LTBP1: variants seen among roughly 807,000 people sequenced by gnomAD.
The protein encoded by LTBP1 is latent transforming growth factor beta binding protein 1.
A neutral mutation model predicts 207.6 loss-of-function variants in LTBP1; 129 were observed. That is an observed-to-expected ratio of 0.62 (90% CI 0.54 to 0.72). LTBP1 has a LOEUF of 0.72. Ranked by LOEUF, LTBP1 falls within the 30% of genes least tolerant of loss-of-function variation. The pLI is 0.00. For synonymous variants in LTBP1, 963 were observed against 833.7 expected (o/e 1.16, Z -2.67); for missense variants, 2,281 against 2,217.2 (o/e 1.03, Z -0.58).
chr2:33,268,914 A>G lies in LTBP1; in HGVS notation c.2618-4742A>G, dbSNP rs1461905044. Among the ~76,000 whole-genome samples, 4 of 152,288 alleles carry G rather than the reference A, an allele frequency of 2.6e-5. No homozygotes were observed. The East Asian group carries it at 7.7e-4, about 29-fold the overall frequency. On this transcript the variant is annotated intron_variant, in intron 15 of 33. Coordinates refer to ENST00000404816, the MANE Select transcript of LTBP1 (RefSeq NM_206943.4). ...CCTTGTGGAAACCTCTGTAATTATCATGGCCCAGACATTTAAAAAAACTAT... is the reference window on the plus strand; with the variant it reads ...CCTTGTGGAAACCTCTGTAATTATCGTGGCCCAGACATTTAAAAAAACTAT...
chr2:33,234,934 A>C (rs2091969152), intron 9 of LTBP1, among the ~76,000 whole-genome samples: 1 of 152,192 alleles, frequency 6.6e-6, no homozygotes, highest in African/African-American at 2.4e-5. Context: ...TAAGACCTAA[A>C]ACCATAAAAA....
chr2:33,027,278 T>C (rs572419412), intron 3 of LTBP1, among the ~76,000 whole-genome samples: 5 of 152,226 alleles, frequency 3.3e-5, no homozygotes, highest in African/African-American at 4.8e-5. Context: ...TTTTCAAATA[T>C]GTACACATTG....
At chr2:33,101,994 A>G (rs1301958767) in intron 3 of LTBP1, among the ~76,000 whole-genome samples, 4 of 152,152 alleles carry the variant, frequency 2.6e-5, no homozygotes, top group Non-Finnish European at 5.9e-5. Context: ...TAAACATAGA[A>G]GAGAAGAGGA....
At chr2:33,245,387 G>C (rs534273322) in intron 10 of LTBP1, among the ~76,000 whole-genome samples, 1 of 152,172 alleles carries the variant, frequency 6.6e-6, no homozygotes, top group African/African-American at 2.4e-5. Context: ...AAAAATGACA[G>C]TCTCATTTAT....
At chr2:33,006,366 C>G (rs184250856) in intron 2 of LTBP1, among the ~76,000 whole-genome samples, 1 of 147,506 alleles carries the variant, frequency 6.8e-6, no homozygotes, top group East Asian at 2.0e-4. Flanking sequence ...TTCAGAATGT[C>G]AGAAATAAGA....
chr2:33,262,776 C>G lies in LTBP1; in HGVS notation c.2473C>G (p.Leu825Val), dbSNP rs773221015. The G allele has an allele frequency of 3.1e-6, 5 of 1,607,248 alleles. No individual in the cohort carries two copies. The East Asian group carries it at 1.1e-4, about 36-fold the overall frequency. The change falls in exon 14 of 34, where the codon CTG becomes GTG. Residue 825 changes from leucine to valine, a missense_variant. Leu to Val is a conservative substitution (Grantham distance 32). Around this residue, in one of 3 missense-constraint regions of LTBP1, gnomAD observed 1,671 missense variants for 1,634.8 expected, o/e 1.02. Transcript: ENST00000404816. ...CAAACTTGAGCCTGGTCAACCCCAG[C>G]TGTCTCCAGGCATTTCCACTATTCA... ...KTKLEPGQPQ[L>V]SPGISTIHLH... is the part of the protein sequence containing the mutation.
chr2:32,968,791 T>A (rs1452028305), intron 2 of LTBP1, among the ~76,000 whole-genome samples: 1 of 151,218 alleles, frequency 6.6e-6, no homozygotes. Flanking sequence ...TGGTGCAGTC[T>A]CATCTCACTG....
intron 19 of LTBP1, among the ~76,000 whole-genome samples, chr2:33,287,689 A>G (rs2093692660): frequency 6.6e-6 from 1 of 152,238 alleles, no homozygotes; most frequent in African/African-American, 2.4e-5. Flanking sequence ...TAGGATGTGC[A>G]TAGCATTCAT....
chr2:32,951,131 T>C (rs1677037074), intron 2 of LTBP1, among the ~76,000 whole-genome samples: 1 of 152,208 alleles, frequency 6.6e-6, no homozygotes. Flanking sequence ...CTACAACCAA[T>C]GCTTCCAGCA....
chr2:33,182,687 G>GAGAT lies in LTBP1; in HGVS notation c.1202-4168_1202-4167insGATA, dbSNP rs1469125010. ...AAAAAAAAAAAGAAGAAAAGATGGT[G>GAGAT]ATATATATATATACACACACACACA... is the stretch of plus-strand genomic sequence containing the variant. On this transcript the variant is annotated intron_variant, in intron 5 of 33. Coordinates refer to ENST00000404816, the MANE Select transcript of LTBP1 (RefSeq NM_206943.4). Among the ~76,000 whole-genome samples, 95 of 67,040 alleles carry GAGAT rather than the reference G, an allele frequency of 1.4e-3. 4 individuals are homozygous for GAGAT. The highest frequency in any genetic ancestry group is 4.7e-3 in the African/African-American group (79 of 16,844). The allele number at this position is 67,040 out of a possible 152,430, so 44.0% of individuals were successfully genotyped here.
intron 19 of LTBP1, among the ~76,000 whole-genome samples, chr2:33,289,127 A>G (rs190895523): frequency 3.0e-4 from 46 of 152,298 alleles, no homozygotes; most frequent in African/African-American, 1.1e-3. Flanking sequence ...TCAACAATGT[A>G]CTTGTTAGAG....
At chr2:33,289,729 C>G (rs1301648220) in intron 19 of LTBP1, among the ~76,000 whole-genome samples, 1 of 152,080 alleles carries the variant, frequency 6.6e-6, no homozygotes, top group African/African-American at 2.4e-5. Context: ...AACGCAAAGG[C>G]CTGTTGAACT....
At chr2:33,160,601 AG>A (rs2084380360) in intron 5 of LTBP1, among the ~76,000 whole-genome samples, 1 of 152,234 alleles carries the variant, frequency 6.6e-6, no homozygotes, top group South Asian at 2.1e-4. Context: ...CAGCACAGGT[AG>A]GTTGACCTAC....
At chr2:33,215,711 C>T (rs375532967) in intron 7 of LTBP1, among the ~76,000 whole-genome samples, 51 of 125,984 alleles carry the variant, frequency 4.0e-4, no homozygotes, top group Non-Finnish European at 5.0e-4. Flanking sequence ...CATTGGTTTT[C>T]TTTTGTTTTT....
At chr2:32,977,460 G>C (rs1681985098) in intron 2 of LTBP1, among the ~76,000 whole-genome samples, 2 of 152,224 alleles carry the variant, frequency 1.3e-5, no homozygotes, top group Non-Finnish European at 2.9e-5. Context: ...GAGGGCGGCT[G>C]GAGCAATCTT....
intron 3 of LTBP1, among the ~76,000 whole-genome samples, chr2:33,102,758 G>T (rs1465994132): frequency 6.6e-6 from 1 of 152,136 alleles, no homozygotes; most frequent in Non-Finnish European, 1.5e-5. Context: ...TGCACTGTCC[G>T]TATGCACAGT....
intron 3 of LTBP1, among the ~76,000 whole-genome samples, chr2:33,110,324 T>A (rs776191257): frequency 2.0e-5 from 3 of 152,220 alleles, no homozygotes; most frequent in Non-Finnish European, 4.4e-5. Context: ...TAAAGTTACC[T>A]GTGATGACCT....
chr2:33,344,545 T>C (rs1016755318), intron 25 of LTBP1, among the ~76,000 whole-genome samples: 1 of 152,194 alleles, frequency 6.6e-6, no homozygotes, highest in Non-Finnish European at 1.5e-5. Context: ...CCTGGATTTT[T>C]CTCACTCGTT....
intron 3 of LTBP1, among the ~76,000 whole-genome samples, chr2:33,051,323 G>T (rs907384943): frequency 2.0e-5 from 3 of 152,068 alleles, no homozygotes; most frequent in Non-Finnish European, 4.4e-5. Flanking sequence ...AGACTGAAGT[G>T]GGGGGATTAC....
Sources: gnomAD v4.1 joint callset for allele counts (sites outside exome capture counted in the v4.1 genomes callset) on GRCh38, gnomAD v4.1.1 for gene constraint, gnomAD v4.1.1 regional missense constraint, MANE v1.5 for transcripts, NCBI Gene and HGNC (gene_info 2026-07-23, HGNC 2026-07-21) for gene names.